RAB3C: variants seen among roughly 807,000 people sequenced by gnomAD.
RAB3C encodes ras-related protein Rab-3C.
Under a neutral mutation model 26.4 loss-of-function variants are expected in RAB3C, and 17 were observed. The ratio of observed to expected loss-of-function variants is 0.64; its 90% CI spans 0.44 to 0.97. The LOEUF (loss-of-function observed/expected upper bound fraction) is 0.97. Ranked by LOEUF, RAB3C falls within the 50% of genes least tolerant of loss-of-function variation. RAB3C has a pLI of 0.00. For missense variants in RAB3C, 242 were observed against 281.9 expected (o/e 0.86, Z 1.01); for synonymous variants, 91 against 95.9 (o/e 0.95, Z 0.30).
chr5:58,784,414 T>C (rs1037504769), intron 3 of RAB3C, among the ~76,000 whole-genome samples: 2 of 152,172 alleles, frequency 1.3e-5, no homozygotes, highest in African/African-American at 2.4e-5. Flanking sequence ...ACATATTCAT[T>C]ATCACAAGAA....
intron 2 of RAB3C, 50 bp downstream of exon 2, chr5:58,617,920 A>T: frequency 8.4e-7 from 1 of 1,185,094 alleles, no homozygotes. Flanking sequence ...TGTTGAACAT[A>T]TCCATTTGTA....
chr5:58,787,783 C>G (rs1742424968), intron 3 of RAB3C, among the ~76,000 whole-genome samples: 1 of 152,022 alleles, frequency 6.6e-6, no homozygotes, highest in Admixed American at 6.5e-5. Flanking sequence ...AGCTCTGTGC[C>G]TAGGTCGGCG....
rs76699042 is a variant in RAB3C, at chr5:58,590,263, A to T, written c.24+7031A>T. On this transcript the variant is annotated intron_variant, in intron 1 of 4. Transcript: ENST00000282878. ...TTATTAACACAAAGTTGTTAAAAAC[A>T]TTTTTAATACCTTTTAAATATCTCT... 2.3e-3 allele frequency among the ~76,000 whole-genome samples: 346 copies of T among 152,292 alleles called. 7 individuals carry two copies. The East Asian group carries it at 0.045, about 20-fold the overall frequency.
chr5:58,591,599 T>C (rs1746128368), intron 1 of RAB3C, among the ~76,000 whole-genome samples: 1 of 148,142 alleles, frequency 6.8e-6, no homozygotes, highest in Non-Finnish European at 1.5e-5. Context: ...TATATATATA[T>C]ATATATATAA....
At chr5:58,728,282 T>G (rs1740932537) in intron 3 of RAB3C, among the ~76,000 whole-genome samples, 1 of 152,082 alleles carries the variant, frequency 6.6e-6, no homozygotes, top group African/African-American at 2.4e-5. Flanking sequence ...AGTTAATAGA[T>G]CCACCATCAC....
chr5:58,607,400 A>G (rs1489189179), intron 1 of RAB3C, among the ~76,000 whole-genome samples: 1 of 152,230 alleles, frequency 6.6e-6, no homozygotes, highest in African/African-American at 2.4e-5. Flanking sequence ...CCTCCAAGAA[A>G]TATAGAACTA....
intron 2 of RAB3C, 80 bp from the exon 3 acceptor site, chr5:58,725,920 ACT>A (rs952114923): frequency 2.6e-6 from 2 of 780,660 alleles, no homozygotes; most frequent in Non-Finnish European, 4.2e-6. Flanking sequence ...CTCTATTGTG[ACT>A]CTTTTTGGAA....
chr5:58,612,480 G>T (rs924837814), intron 1 of RAB3C, among the ~76,000 whole-genome samples: 1 of 141,676 alleles, frequency 7.1e-6, no homozygotes, highest in Admixed American at 7.2e-5. Context: ...GGTTAGCTGT[G>T]TTCCTAGGTG....
chr5:58,807,892 A>G (rs1219647480), intron 3 of RAB3C, among the ~76,000 whole-genome samples: 3 of 152,110 alleles, frequency 2.0e-5, no homozygotes, highest in South Asian at 2.1e-4. Flanking sequence ...AGCAAAACCA[A>G]TGTATTCAAA....
At chr5:58,837,878 T>C (rs1356709495) in intron 4 of RAB3C, among the ~76,000 whole-genome samples, 2 of 152,152 alleles carry the variant, frequency 1.3e-5, no homozygotes, top group African/African-American at 4.8e-5. Flanking sequence ...TCTTTGTTGG[T>C]TGTATGTGTG....
intron 2 of RAB3C, among the ~76,000 whole-genome samples, chr5:58,718,071 T>C (rs1749210128): frequency 2.0e-5 from 3 of 152,194 alleles, no homozygotes; most frequent in African/African-American, 7.2e-5. Flanking sequence ...GAAAAACAAT[T>C]CTCAACCTTG....
rs116516011 is a variant in RAB3C at position 58,638,549 on chromosome 5, G to A, written c.252+20679G>A. 9.2e-3 allele frequency among the ~76,000 whole-genome samples: 1,405 copies of A among 152,094 alleles called. 7 individuals carry two copies. The highest frequency in any genetic ancestry group is 0.075 in the Middle Eastern group (22 of 294). ...ACCATTATAACATTTTCTAAAGTCC[G>A]TGTTATTTTATAATTATAACCCACT... On this transcript the variant is annotated intron_variant, in intron 2 of 4. Transcript: ENST00000282878.
chr5:58,606,121 G>A (rs1746563094), intron 1 of RAB3C, among the ~76,000 whole-genome samples: 1 of 152,146 alleles, frequency 6.6e-6, no homozygotes. Flanking sequence ...AAGCACAAGG[G>A]GTCAGGGATT....
In RAB3C at chr5:58,695,439, G is replaced by A. The variant is rs1449642996; in HGVS notation, c.253-30563G>A. ...TTGGTTCCATATGAACTTTAAAGTA[G>A]GTTTTTCCAATTCTGTGAAGAAAGT... On this transcript the variant is annotated intron_variant, in intron 2 of 4. Coordinates refer to ENST00000282878, the MANE Select transcript of RAB3C (RefSeq NM_138453.4). Among the ~76,000 whole-genome samples, 3 of 152,162 alleles carry A rather than the reference G, an allele frequency of 2.0e-5. No homozygotes were observed. The East Asian group carries it at 5.8e-4, about 29-fold the overall frequency.
rs186347911 is a variant in RAB3C at position 58,617,422 on chromosome 5, G to T, written c.25-221G>T. ...CTGAGCAGTGACATGCACCAACACA[G>T]CTGGAAAGGCCTGTAAGATTTGCTA... On this transcript the variant is annotated intron_variant, in intron 1 of 4. Coordinates refer to ENST00000282878, the MANE Select transcript of RAB3C (RefSeq NM_138453.4). 2.3e-4 allele frequency: 172 copies of T among 736,600 alleles called. No individual in the cohort carries two copies. In the East Asian group the frequency reaches 4.2e-3, roughly 18 times the overall value. 45.6% of individuals were successfully genotyped at this position (736,600 alleles called of 1,614,324 possible). A position where few individuals can be genotyped will look rare whatever the true frequency, so the allele number is the denominator to read the frequency against.
At chr5:58,610,158 C>G (rs1338427908) in intron 1 of RAB3C, among the ~76,000 whole-genome samples, 1 of 145,968 alleles carries the variant, frequency 6.9e-6, no homozygotes, top group East Asian at 2.1e-4. Context: ...TTAGCCTTTA[C>G]TTTGAAGCTG....
At chr5:58,652,700 GA>G (rs36112651) in intron 2 of RAB3C, among the ~76,000 whole-genome samples, 66,740 of 146,270 alleles carry the variant, frequency 0.46, 16,180 homozygotes, top group Middle Eastern at 0.62. Context: ...CTTGATAAAG[GA>G]AAAAAAAAAA....
chr5:58,696,950 C>A (rs1174431303), intron 2 of RAB3C, among the ~76,000 whole-genome samples: 1 of 152,004 alleles, frequency 6.6e-6, no homozygotes, highest in Non-Finnish European at 1.5e-5. Flanking sequence ...TTATTTATTT[C>A]TTGCCTTCTG....
rs551040255 is a variant in RAB3C at position 58,761,598 on chromosome 5, T to A, written c.371+35478T>A. On this transcript the variant is annotated intron_variant, in intron 3 of 4. Coordinates refer to ENST00000282878, the MANE Select transcript of RAB3C (RefSeq NM_138453.4). Reference sequence around the variant, plus strand: ...TTTTGAATGCTCAGCTCTTTTTATGTCCTCCTGGAAACCCTGAACTTTGAC... The same window carrying A: ...TTTTGAATGCTCAGCTCTTTTTATGACCTCCTGGAAACCCTGAACTTTGAC... Among the ~76,000 whole-genome samples, 60 of 152,230 alleles carry A rather than the reference T, an allele frequency of 3.9e-4. No individual in the cohort carries two copies. The South Asian group carries it at 6.0e-3, about 15-fold the overall frequency.
Sources: allele counts gnomAD v4.1 joint callset (sites outside exome capture counted in the v4.1 genomes callset), GRCh38; gene constraint gnomAD v4.1.1; transcripts MANE v1.5; gene names NCBI Gene and HGNC (gene_info 2026-07-23, HGNC 2026-07-21).